FOXP2: variants seen among roughly 807,000 people sequenced by gnomAD.
The protein encoded by FOXP2 is forkhead box protein P2.
In FOXP2, 12 loss-of-function variants were observed where a neutral mutation model predicts 115.8. That is an observed-to-expected ratio of 0.10 (90% CI 0.07 to 0.17). The LOEUF (loss-of-function observed/expected upper bound fraction) is 0.17. Ranked by LOEUF, FOXP2 falls within the 10% of genes least tolerant of loss-of-function variation. The pLI is 1.00. For missense variants in FOXP2, 629 were observed against 843.5 expected, an observed-to-expected ratio of 0.75 and a Z score of 3.15; for synonymous variants, 328 against 297.7, an observed-to-expected ratio of 1.10 and a Z score of -1.05.
chr7:114,498,748 A>C (rs1797433510), intron 2 of FOXP2: 2 of 668,694 alleles, frequency 3.0e-6, no homozygotes, highest in Non-Finnish European at 5.5e-6. Context: ...TAAGCTATTC[A>C]GCAGCATCTT....
chr7:114,247,681 G>C (rs1795322126), intron 1 of FOXP2, among the ~76,000 whole-genome samples: 1 of 152,094 alleles, frequency 6.6e-6, no homozygotes, highest in South Asian at 2.1e-4. Context: ...TATTTGTTTT[G>C]CATGTTTATA....
chr7:114,264,148 T>C (rs1008302341), intron 1 of FOXP2, among the ~76,000 whole-genome samples: 1 of 152,162 alleles, frequency 6.6e-6, no homozygotes, highest in Admixed American at 6.5e-5. Context: ...TTTGCCTTAC[T>C]TCTCTTCACC....
chr7:114,307,482 C>T (rs113906640), intron 2 of FOXP2, among the ~76,000 whole-genome samples: 215 of 152,136 alleles, frequency 1.4e-3, no homozygotes, highest in African/African-American at 4.8e-3. Context: ...ACAGGTGGAC[C>T]AAAAAAGAAC....
intron 1 of FOXP2, among the ~76,000 whole-genome samples, chr7:114,268,871 G>A (rs1176587757): frequency 2.6e-5 from 4 of 152,102 alleles, no homozygotes; most frequent in Non-Finnish European, 5.9e-5. Flanking sequence ...AGGAAATATA[G>A]TCAATCAGGA....
chr7:114,297,231 G>T (rs1796762674), intron 2 of FOXP2: 9 of 483,542 alleles, frequency 1.9e-5, no homozygotes, highest in South Asian at 1.8e-4. Flanking sequence ...GGGCCCGTTT[G>T]TCCTTGGAGA....
chr7:114,212,124 T>TAAAATAAAATAAAATAA, intron 1 of FOXP2, among the ~76,000 whole-genome samples: 1 of 143,160 alleles, frequency 7.0e-6, no homozygotes, highest in East Asian at 2.0e-4. Context: ...TAAAATAAAA[T>TAAAATAAAATAAAATAA]ATATATATAT....
chr7:114,200,853 T>C (rs983752333), intron 1 of FOXP2, among the ~76,000 whole-genome samples: 1 of 152,188 alleles, frequency 6.6e-6, no homozygotes, highest in Non-Finnish European at 1.5e-5. Flanking sequence ...GAAGCATCTT[T>C]CATAATTAAA....
chr7:114,122,635 T>C (rs1473932442), intron 1 of FOXP2, among the ~76,000 whole-genome samples: 1 of 152,074 alleles, frequency 6.6e-6, no homozygotes, highest in African/African-American at 2.4e-5. Flanking sequence ...CTGTCAGGTA[T>C]TGCACATGAA....
intron 2 of FOXP2, among the ~76,000 whole-genome samples, chr7:114,448,733 A>T (rs981142811): frequency 7.2e-5 from 11 of 152,136 alleles, no homozygotes; most frequent in Non-Finnish European, 1.6e-4. Flanking sequence ...TAAACTCGGT[A>T]TTTAATTAGT....
intron 2 of FOXP2, among the ~76,000 whole-genome samples, chr7:114,460,115 C>CATTT (rs145876718): frequency 4.8e-4 from 73 of 152,110 alleles, no homozygotes; most frequent in South Asian, 1.9e-3. Context: ...ATGAAAATCA[C>CATTT]ATTTATTTAT....
At chr7:114,144,638 T>C (rs765270772) in intron 1 of FOXP2, among the ~76,000 whole-genome samples, 1 of 152,136 alleles carries the variant, frequency 6.6e-6, no homozygotes, top group Non-Finnish European at 1.5e-5. Context: ...TTATGATATA[T>C]TATGTAAATT....
At chr7:114,212,509 A>C (rs965507516) in intron 1 of FOXP2, among the ~76,000 whole-genome samples, 1 of 152,092 alleles carries the variant, frequency 6.6e-6, no homozygotes, top group Non-Finnish European at 1.5e-5. Flanking sequence ...TTGAGGTAGC[A>C]TGAAAATCTA....
At chr7:114,256,191 C>T (rs1309720035) in intron 1 of FOXP2, among the ~76,000 whole-genome samples, 3 of 152,158 alleles carry the variant, frequency 2.0e-5, no homozygotes, top group Non-Finnish European at 4.4e-5. Flanking sequence ...CAAGCTCTGC[C>T]TCCCAGGTTC....
At chr7:114,192,361 GGTTT>G (rs1793784436) in intron 1 of FOXP2, among the ~76,000 whole-genome samples, 1 of 152,014 alleles carries the variant, frequency 6.6e-6, no homozygotes, top group East Asian at 1.9e-4. Context: ...GATGCTTCAC[GGTTT>G]GTTTATCCAT....
At chr7:114,638,624 T>C (rs1805352308) in intron 6 of FOXP2, among the ~76,000 whole-genome samples, 1 of 152,212 alleles carries the variant, frequency 6.6e-6, no homozygotes, top group African/African-American at 2.4e-5. Flanking sequence ...GTAATAGTTT[T>C]CTTTTTAAAA....
chr7:114,247,848 A>G (rs761370505), intron 1 of FOXP2, among the ~76,000 whole-genome samples: 7 of 152,116 alleles, frequency 4.6e-5, no homozygotes, highest in Non-Finnish European at 7.3e-5. Flanking sequence ...ACCTGGGTAT[A>G]TTAGTCGGGG....
Position 114,247,294 on chromosome 7 carries a change from G to A in FOXP2, c.-101-40725G>A, listed in dbSNP as rs148128663. On this transcript the variant is annotated intron_variant, in intron 1 of 17. Coordinates refer to the FOXP2 transcript ENST00000634411. ...AACTTTTTTAAAGCTCTTTACCTGA[G>A]TATCTCATTATCTGCCTATTAATAC... Among the ~76,000 whole-genome samples the A allele has an allele frequency of 1.4e-3, 220 of 152,190 alleles. 1 individual carries two copies. Among genetic ancestry groups the A allele is most frequent in the African/African-American group, 4.9e-3 (205 of 41,510 alleles).
intron 2 of FOXP2, among the ~76,000 whole-genome samples, chr7:114,510,031 T>C (rs142768073): frequency 6.6e-6 from 1 of 152,002 alleles, no homozygotes; most frequent in Admixed American, 6.6e-5. Context: ...AAAAAGGAAA[T>C]GTAGATGAGA....
intron 1 of FOXP2, among the ~76,000 whole-genome samples, chr7:114,114,741 T>C (rs77643433): frequency 0.021 from 3,221 of 152,250 alleles, 105 homozygotes; most frequent in African/African-American, 0.073. Context: ...TTATTGATAT[T>C]CACCTCTCAG....
Sources: gnomAD v4.1 joint callset for allele counts (sites outside exome capture counted in the v4.1 genomes callset) on GRCh38, gnomAD v4.1.1 for gene constraint, MANE v1.5 for transcripts, NCBI Gene and HGNC (gene_info 2026-07-23, HGNC 2026-07-21) for gene names.